RALGAPA1: variants seen among roughly 807,000 people sequenced by gnomAD.
RALGAPA1 encodes ral GTPase-activating protein subunit alpha-1.
RALGAPA1 carries 52 observed loss-of-function variants against 269.6 expected under a neutral mutation model. That is an observed-to-expected ratio of 0.19 (90% CI 0.15 to 0.24). The LOEUF is 0.24. Ranked by LOEUF, RALGAPA1 falls within the 10% of genes least tolerant of loss-of-function variation. The probability of loss-of-function intolerance (pLI) is 1.00; values close to 1 mark genes in which losing one functional copy is unlikely to be tolerated. For missense variants in RALGAPA1, 1,917 were observed against 3,013.9 expected (o/e 0.64, Z 8.52); for synonymous variants, 817 against 1,008.3 (o/e 0.81, Z 3.60).
At chr14:35,614,590 G>A (rs1003646726) in intron 35 of RALGAPA1, among the ~76,000 whole-genome samples, 2 of 152,116 alleles carry the variant, frequency 1.3e-5, no homozygotes. Context: ...ATGGATACCA[G>A]GTTTCTTTTC....
chr14:35,752,247 A>G (rs1050605906), intron 7 of RALGAPA1, 85 bp from the exon 8 acceptor site: 3 of 1,345,886 alleles, frequency 2.2e-6, no homozygotes, highest in Non-Finnish European at 2.9e-6. Context: ...CAAGCTTGTA[A>G]AAGGTTGCAA....
chr14:35,602,811 C>T (rs1225649400), intron 36 of RALGAPA1, among the ~76,000 whole-genome samples: 1 of 152,038 alleles, frequency 6.6e-6, no homozygotes, highest in Admixed American at 6.6e-5. Context: ...TCTAAAAATC[C>T]TTTGCAAAAT....
intron 32 of RALGAPA1, among the ~76,000 whole-genome samples, chr14:35,634,992 G>A (rs956324850): frequency 1.3e-5 from 2 of 151,982 alleles, no homozygotes; most frequent in African/African-American, 2.4e-5. Flanking sequence ...GCAACATGGC[G>A]AAACGCTGTG....
chr14:35,762,217 A>C (rs1268674555), intron 5 of RALGAPA1, among the ~76,000 whole-genome samples: 1 of 151,938 alleles, frequency 6.6e-6, no homozygotes, highest in Non-Finnish European at 1.5e-5. Flanking sequence ...GTCAACCTAG[A>C]ATGGTTTGTC....
intron 12 of RALGAPA1, among the ~76,000 whole-genome samples, chr14:35,736,078 T>C (rs934996941): frequency 3.3e-5 from 5 of 152,140 alleles, no homozygotes; most frequent in Non-Finnish European, 7.4e-5. Flanking sequence ...GGGAGACTAA[T>C]TAGAAATTTA....
chr14:35,619,266 A>T (rs1217242871), intron 35 of RALGAPA1, among the ~76,000 whole-genome samples: 2 of 152,166 alleles, frequency 1.3e-5, no homozygotes, highest in East Asian at 3.8e-4. Flanking sequence ...AACAAAAAGA[A>T]TGAATACCCC....
rs1260014097 is a variant in RALGAPA1, at chr14:35,725,061, A to T, written c.1829T>A (p.Met610Lys). The T allele has an allele frequency of 6.2e-7, 1 of 1,605,094 alleles. No homozygotes were observed. The highest frequency in any genetic ancestry group is 1.7e-5 in the Admixed American group (1 of 58,840). ...AFLQFQGKKN[M>K]TLAGRLAGPL... ...TCCTGCAAGTCGACCTGCCAAGGTC[A>T]TATTTTTTTTCCCTTGGAACTGTAG... Residue 610 changes from methionine to lysine, a missense_variant, in exon 14 of 42, where the codon ATG becomes AAG. Around this residue, in one of 11 missense-constraint regions of RALGAPA1, gnomAD observed 40 missense variants for 112.6 expected, o/e 0.36. Transcript: ENST00000680220.
At chr14:35,761,100 T>C in intron 5 of RALGAPA1, 94 bp from the exon 6 acceptor site, 3 of 905,094 alleles carry the variant, frequency 3.3e-6, no homozygotes, top group Non-Finnish European at 3.2e-6. Flanking sequence ...GACAACAGAA[T>C]GATACTTTCG....
At chr14:35,711,411 G>T (rs2068325538) in intron 16 of RALGAPA1, among the ~76,000 whole-genome samples, 1 of 152,036 alleles carries the variant, frequency 6.6e-6, no homozygotes. Flanking sequence ...TTTAGTGGTT[G>T]CCCCTGAGTT....
intron 39 of RALGAPA1, among the ~76,000 whole-genome samples, chr14:35,567,671 T>C (rs1421042797): frequency 6.6e-6 from 1 of 152,122 alleles, no homozygotes; most frequent in Non-Finnish European, 1.5e-5. Context: ...TTAAGCCATA[T>C]TCCCAAAACT....
chr14:35,626,124 C>T (rs1326464516), intron 34 of RALGAPA1, among the ~76,000 whole-genome samples: 2 of 152,096 alleles, frequency 1.3e-5, no homozygotes, highest in African/African-American at 2.4e-5. Flanking sequence ...ATAACATTTC[C>T]TATAAGGCAG....
chr14:35,672,131 G>A (rs2064508609), intron 25 of RALGAPA1, among the ~76,000 whole-genome samples: 1 of 152,064 alleles, frequency 6.6e-6, no homozygotes, highest in South Asian at 2.1e-4. Flanking sequence ...AATTAAGAGA[G>A]TCATTTTACT....
At chr14:35,659,020 T>G (rs1460381610) in intron 28 of RALGAPA1, 118 bp downstream of exon 28, 1 of 518,928 alleles carries the variant, frequency 1.9e-6, no homozygotes, top group South Asian at 5.1e-5. Flanking sequence ...AACTTAAAAT[T>G]GTAATTCAGA....
intron 1 of RALGAPA1, among the ~76,000 whole-genome samples, chr14:35,803,492 AC>A (rs2077123775): frequency 6.6e-6 from 1 of 152,190 alleles, no homozygotes; most frequent in South Asian, 2.1e-4. Context: ...ATAAAAATTA[AC>A]CATTTCTGCT....
chr14:35,745,998 T>G (rs377687479), intron 10 of RALGAPA1, among the ~76,000 whole-genome samples: 1 of 151,662 alleles, frequency 6.6e-6, no homozygotes, highest in Non-Finnish European at 1.5e-5. Flanking sequence ...GGCTGAGGCA[T>G]AGGTATCAGT....
chr14:35,794,669 G>A (rs1179097256), intron 1 of RALGAPA1, among the ~76,000 whole-genome samples: 18 of 152,158 alleles, frequency 1.2e-4, no homozygotes, highest in Admixed American at 1.2e-3. Context: ...GTGTTAGCCA[G>A]GATGGTCTCA....
chr14:35,648,376 G>A (rs2062593499), intron 31 of RALGAPA1, among the ~76,000 whole-genome samples: 1 of 150,574 alleles, frequency 6.6e-6, no homozygotes, highest in African/African-American at 2.4e-5. Flanking sequence ...TGAGGCAGGA[G>A]AATCACTTGA....
intron 35 of RALGAPA1, among the ~76,000 whole-genome samples, chr14:35,609,216 C>G (rs12587198): frequency 0.35 from 51,901 of 149,634 alleles, 12,356 homozygotes; most frequent in African/African-American, 0.67. Context: ...GACAGAGCGA[C>G]ACTCCGTCTC....
At chr14:35,564,323 C>T (rs1159041409) in intron 39 of RALGAPA1, 3 of 152,152 alleles carry the variant, frequency 2.0e-5, no homozygotes, top group African/African-American at 7.2e-5. Context: ...TCTCAATAAA[C>T]TCATTTTCTT....
Sources: allele counts gnomAD v4.1 joint callset (sites outside exome capture counted in the v4.1 genomes callset), GRCh38; gene constraint gnomAD v4.1.1; regional missense constraint gnomAD v4.1.1; transcripts MANE v1.5; gene names NCBI Gene and HGNC (gene_info 2026-07-23, HGNC 2026-07-21).